CYTH1: variants seen among roughly 807,000 people sequenced by gnomAD.
CYTH1 encodes the protein cytohesin 1, also known as cytohesin-1.
Under a neutral mutation model 61.8 loss-of-function variants are expected in CYTH1, and 18 were observed. The observed-to-expected ratio is 0.29, with a 90% CI of 0.20 to 0.43. The LOEUF is 0.43. Among genes scored for constraint, CYTH1 ranks in the 20% least tolerant of loss-of-function variants. CYTH1 has a pLI of 1.00. For synonymous variants in CYTH1, 174 were observed against 184.3 expected, an observed-to-expected ratio of 0.94 and a Z score of 0.45; for missense variants, 336 against 510.5, an observed-to-expected ratio of 0.66 and a Z score of 3.29.
intron 1 of CYTH1, among the ~76,000 whole-genome samples, chr17:78,756,755 A>C (rs531352886): frequency 6.6e-6 from 1 of 152,162 alleles, no homozygotes; most frequent in South Asian, 2.1e-4. Context: ...TGAGCCGAGG[A>C]AGTCAAGGCT....
chr17:78,710,971 T>C lies in CYTH1; in HGVS notation c.23-1239A>G, dbSNP rs966226598. On this transcript the variant is annotated intron_variant, in intron 1 of 13. Coordinates refer to ENST00000446868, the MANE Select transcript of CYTH1 (RefSeq NM_004762.6). ...TTTGAGATGTGCTGTAGGTAAAAAA[T>C]ATACACCGAGGCCGGGCACAGTGGC... 3.3e-5 allele frequency among the ~76,000 whole-genome samples: 5 copies of C among 151,910 alleles called. No homozygotes were observed. In the East Asian group the frequency reaches 9.7e-4, roughly 29 times the overall value.
chr17:78,694,109 A>G (rs1177032682), intron 10 of CYTH1, among the ~76,000 whole-genome samples: 5 of 152,240 alleles, frequency 3.3e-5, no homozygotes, highest in African/African-American at 1.2e-4. Context: ...TATGCAAATA[A>G]TGTTATGAAA....
chr17:78,709,938 A>G (rs917412765), intron 1 of CYTH1, among the ~76,000 whole-genome samples: 8 of 152,258 alleles, frequency 5.3e-5, no homozygotes, highest in African/African-American at 1.9e-4. Context: ...AAAAGCTCTG[A>G]GAAACTCTTG....
chr17:78,715,698 C>G (rs777683695), intron 1 of CYTH1, among the ~76,000 whole-genome samples: 1 of 152,140 alleles, frequency 6.6e-6, no homozygotes, highest in Non-Finnish European at 1.5e-5. Flanking sequence ...AAACATGCCC[C>G]CCGAGTGGTG....
At chr17:78,734,019 G>A (rs1210627091) in intron 1 of CYTH1, among the ~76,000 whole-genome samples, 3 of 152,204 alleles carry the variant, frequency 2.0e-5, no homozygotes, top group African/African-American at 7.2e-5. Context: ...GGAGGCCAAG[G>A]TGGGTGGATC....
At chr17:78,680,051 G>T in intron 13 of CYTH1, 139 bp downstream of exon 13, 1 of 1,210,700 alleles carries the variant, frequency 8.3e-7, no homozygotes, top group Non-Finnish European at 1.1e-6. Flanking sequence ...GCCGTCAGCT[G>T]GGAACCAGGA....
At chr17:78,761,432 A>G (rs2093428234) in intron 1 of CYTH1, among the ~76,000 whole-genome samples, 2 of 151,804 alleles carry the variant, frequency 1.3e-5, no homozygotes, top group African/African-American at 4.8e-5. Flanking sequence ...GCTTATTAAA[A>G]CCTCTTTAAA....
At chr17:78,765,048 T>A (rs915214545) in intron 1 of CYTH1, among the ~76,000 whole-genome samples, 3 of 152,012 alleles carry the variant, frequency 2.0e-5, no homozygotes, top group Non-Finnish European at 4.4e-5. Context: ...TGAGGTTATT[T>A]GGAGGAAAAG....
chr17:78,770,541 C>T lies in CYTH1; in HGVS notation c.22+11661G>A, dbSNP rs529478258. Among the ~76,000 whole-genome samples, 628 of 152,002 alleles carry T rather than the reference C, an allele frequency of 4.1e-3. 6 individuals carry two copies. Among genetic ancestry groups the T allele is most frequent in the African/African-American group, 0.014 (590 of 41,480 alleles). The stretch of plus-strand genomic sequence containing the variant: ...TCAAGCGATTCTCCTTGTTCAGCCT[C>T]CCAAGTAGCTGGGACTACAGGCGTG... On this transcript the variant is annotated intron_variant, in intron 1 of 13. Transcript: ENST00000446868.
chr17:78,773,152 A>T (rs1315367480), intron 1 of CYTH1, among the ~76,000 whole-genome samples: 2 of 152,058 alleles, frequency 1.3e-5, no homozygotes, highest in Non-Finnish European at 2.9e-5. Flanking sequence ...ACAGTTTATC[A>T]TTATAACCCA....
In CYTH1 at chr17:78,734,432, CTTTTTTTTTTTTTTTT is replaced by C. The variant is rs10557033; in HGVS notation, c.23-24716_23-24701del. Among the ~76,000 whole-genome samples, 27 of 62,716 alleles carry C rather than the reference CTTTTTTTTTTTTTTTT, an allele frequency of 4.3e-4. No homozygotes were observed. The East Asian group carries it at 0.013, about 29-fold the overall frequency. 41.1% of individuals were successfully genotyped at this position (62,716 alleles called of 152,430 possible). On this transcript the variant is annotated intron_variant, in intron 1 of 13. Coordinates refer to ENST00000446868, the MANE Select transcript of CYTH1 (RefSeq NM_004762.6). ...TACCAATGTACCAGGTAAAAAAAAG[CTTTTTTTTTTTTTTTT>C]TTTTTTTTTAGAGACAAAGTCTCAC... is the stretch of plus-strand genomic sequence containing the variant.
At chr17:78,737,307 A>G (rs1370143766) in intron 1 of CYTH1, among the ~76,000 whole-genome samples, 1 of 152,240 alleles carries the variant, frequency 6.6e-6, no homozygotes, top group Non-Finnish European at 1.5e-5. Flanking sequence ...ACTGCTATGT[A>G]AACAGCTGTT....
chr17:78,686,623 A>G (rs2092819433), intron 11 of CYTH1, among the ~76,000 whole-genome samples: 1 of 152,166 alleles, frequency 6.6e-6, no homozygotes, highest in Non-Finnish European at 1.5e-5. Context: ...TAAGTATCCA[A>G]CGTCAGGGTT....
At chr17:78,694,807 C>T (rs1463316469) in intron 10 of CYTH1, among the ~76,000 whole-genome samples, 1 of 152,160 alleles carries the variant, frequency 6.6e-6, no homozygotes, top group Non-Finnish European at 1.5e-5. Context: ...ATTACAAAAG[C>T]TTGGTTATTA....
chr17:78,758,443 G>A (rs767022786), intron 1 of CYTH1, among the ~76,000 whole-genome samples: 25 of 152,282 alleles, frequency 1.6e-4, no homozygotes, highest in African/African-American at 5.1e-4. Context: ...GGTGGCTCAC[G>A]CCTGTAATCC....
intron 9 of CYTH1, 105 bp from the exon 10 acceptor site, chr17:78,696,114 A>G (rs1432171522): frequency 2.3e-6 from 3 of 1,333,120 alleles, no homozygotes; most frequent in Non-Finnish European, 3.0e-6. Flanking sequence ...CCTTAATCTT[A>G]AAGTGCAATG....
chr17:78,696,960 T>C (rs2092945230), intron 9 of CYTH1, among the ~76,000 whole-genome samples: 1 of 152,310 alleles, frequency 6.6e-6, no homozygotes, highest in East Asian at 1.9e-4. Flanking sequence ...GAGCCTTAAC[T>C]TCAAAGATTC....
intron 1 of CYTH1, among the ~76,000 whole-genome samples, chr17:78,777,298 A>C (rs1268596866): frequency 1.3e-5 from 2 of 151,848 alleles, no homozygotes; most frequent in Non-Finnish European, 2.9e-5. Context: ...GGGTGCCTGT[A>C]GTCCCAGCTA....
intron 1 of CYTH1, among the ~76,000 whole-genome samples, chr17:78,724,311 A>C (rs2093253463): frequency 6.6e-6 from 1 of 152,204 alleles, no homozygotes; most frequent in African/African-American, 2.4e-5. Flanking sequence ...CACAGAATAC[A>C]GGGTTACTGC....
Sources: allele counts gnomAD v4.1 joint callset (sites outside exome capture counted in the v4.1 genomes callset), GRCh38; gene constraint gnomAD v4.1.1; transcripts MANE v1.5; gene names NCBI Gene and HGNC (gene_info 2026-07-23, HGNC 2026-07-21).